NEDD4L: variants seen among roughly 807,000 people sequenced by gnomAD.
The protein encoded by NEDD4L is NEDD4 like E3 ubiquitin protein ligase.
NEDD4L carries 54 observed loss-of-function variants against 148.9 expected under a neutral mutation model. The observed-to-expected ratio is 0.36, with a 90% confidence interval of 0.29 to 0.45. The LOEUF is 0.45. Among genes scored for constraint, NEDD4L ranks in the 20% least tolerant of loss-of-function variants. The pLI, the probability that NEDD4L is intolerant of heterozygous loss-of-function variation, is 1.00. For missense variants in NEDD4L, 856 were observed against 1,233.8 expected (o/e 0.69, Z 4.59); for synonymous variants, 433 against 440.7 (o/e 0.98, Z 0.22).
intron 1 of NEDD4L, among the ~76,000 whole-genome samples, chr18:58,119,363 G>C (rs779976839): frequency 1.3e-5 from 2 of 152,164 alleles, no homozygotes; most frequent in Non-Finnish European, 2.9e-5. Context: ...AGGTACCCAG[G>C]CTATTCTGAG....
intron 2 of NEDD4L, among the ~76,000 whole-genome samples, chr18:58,243,560 T>C (rs2046895049): frequency 6.6e-6 from 1 of 152,034 alleles, no homozygotes. Flanking sequence ...AATCACCCCC[T>C]CCCCCAGGTG....
chr18:58,137,907 C>T (rs2033031640), intron 1 of NEDD4L, among the ~76,000 whole-genome samples: 1 of 152,158 alleles, frequency 6.6e-6, no homozygotes, highest in Non-Finnish European at 1.5e-5. Flanking sequence ...AAAGATTCCC[C>T]AGCTCGTCCC....
At position 58,387,654 on chromosome 18, in the gene NEDD4L, A is replaced by G. The variant is rs2049218065; in HGVS notation, c.2547+156A>G. The G allele has an allele frequency of 4.7e-6, 4 of 854,100 alleles. No homozygotes were observed. In the East Asian group the frequency reaches 9.6e-5, roughly 21 times the overall value. 52.9% of individuals were successfully genotyped at this position (854,100 alleles called of 1,614,324 possible). A position where few individuals can be genotyped will look rare whatever the true frequency, so the allele number is the denominator to read the frequency against. On this transcript the variant is annotated intron_variant, in intron 27 of 30. Coordinates refer to ENST00000400345, the MANE Select transcript of NEDD4L (RefSeq NM_001144967.3). Reference sequence around the variant, plus strand: ...TGTCTCTTATAGGGCTTATTTGCCAATGTGGTTCTATTACATGTCTCTTAT... The same window carrying G: ...TGTCTCTTATAGGGCTTATTTGCCAGTGTGGTTCTATTACATGTCTCTTAT...
rs1288166841 is a variant in NEDD4L at position 58,202,000 on chromosome 18, A to T, written c.122+36139A>T. On this transcript the variant is annotated intron_variant, in intron 2 of 30. Coordinates refer to ENST00000400345, the MANE Select transcript of NEDD4L (RefSeq NM_001144967.3). The stretch of plus-strand genomic sequence containing the variant: ...TTGTTTTGCAAAAATAGCCCTGGGC[A>T]TATGTCATTTGGTATTTTTGTCGAG... Among the ~76,000 whole-genome samples the T allele has an allele frequency of 3.3e-5, 5 of 152,178 alleles. No homozygotes were observed. The South Asian group carries it at 1.0e-3, about 32-fold the overall frequency.
chr18:58,225,711 TATTA>T (rs2044274049), intron 2 of NEDD4L, among the ~76,000 whole-genome samples: 1 of 152,124 alleles, frequency 6.6e-6, no homozygotes, highest in Non-Finnish European at 1.5e-5. Context: ...AAGGGCACAT[TATTA>T]GGTCCGGAGC....
chr18:58,146,951 G>A (rs993201076), intron 1 of NEDD4L, among the ~76,000 whole-genome samples: 1 of 152,156 alleles, frequency 6.6e-6, no homozygotes, highest in African/African-American at 2.4e-5. Context: ...GAGAACTGAC[G>A]AGAAGGACAC....
At chr18:58,204,105 T>C (rs984086996) in intron 2 of NEDD4L, among the ~76,000 whole-genome samples, 1 of 152,214 alleles carries the variant, frequency 6.6e-6, no homozygotes, top group African/African-American at 2.4e-5. Flanking sequence ...GGCGGGCAGA[T>C]CATTTGTGGC....
chr18:58,182,934 T>G (rs2039021102), intron 2 of NEDD4L, among the ~76,000 whole-genome samples: 1 of 152,200 alleles, frequency 6.6e-6, no homozygotes, highest in Non-Finnish European at 1.5e-5. Flanking sequence ...CTCCCTCTCC[T>G]CCCTCACTGC....
chr18:58,065,250 GT>G (rs999147630), intron 1 of NEDD4L, among the ~76,000 whole-genome samples: 1 of 152,112 alleles, frequency 6.6e-6, no homozygotes. Context: ...CTTTAGCAAC[GT>G]TTTTTTCATT....
intron 1 of NEDD4L, among the ~76,000 whole-genome samples, chr18:58,072,215 A>T (rs1343473689): frequency 2.6e-5 from 4 of 152,210 alleles, no homozygotes; most frequent in Non-Finnish European, 4.4e-5. Flanking sequence ...GTATTATTAT[A>T]AACTCTTTCA....
chr18:58,056,804 C>G (rs2082104627), intron 1 of NEDD4L, among the ~76,000 whole-genome samples: 1 of 151,636 alleles, frequency 6.6e-6, no homozygotes, highest in South Asian at 2.1e-4. Flanking sequence ...TGGTCTTGAG[C>G]TCCTGACCTC....
At chr18:58,385,741 G>A (rs779657394) in intron 26 of NEDD4L, among the ~76,000 whole-genome samples, 155 bp downstream of exon 26, 3 of 152,182 alleles carry the variant, frequency 2.0e-5, no homozygotes, top group East Asian at 3.9e-4. Flanking sequence ...AGCTCACACC[G>A]CTGGCCAGTC....
chr18:58,141,936 A>G (rs922062444), intron 1 of NEDD4L, among the ~76,000 whole-genome samples: 11 of 151,232 alleles, frequency 7.3e-5, no homozygotes, highest in Non-Finnish European at 1.5e-4. Flanking sequence ...AAAGCCAAGT[A>G]GGAGCTTAGG....
At chr18:58,061,523 G>A (rs962559902) in intron 1 of NEDD4L, among the ~76,000 whole-genome samples, 2 of 151,930 alleles carry the variant, frequency 1.3e-5, no homozygotes, top group Non-Finnish European at 2.9e-5. Flanking sequence ...CCAGACTAGA[G>A]GAGGCAGGAA....
At chr18:58,128,854 C>T (rs1473034348) in intron 1 of NEDD4L, among the ~76,000 whole-genome samples, 2 of 152,172 alleles carry the variant, frequency 1.3e-5, no homozygotes, top group Non-Finnish European at 1.5e-5. Context: ...CTTTGGATTG[C>T]TGACTGCGAG....
intron 2 of NEDD4L, among the ~76,000 whole-genome samples, chr18:58,173,374 G>A (rs1283554700): frequency 6.6e-6 from 1 of 152,222 alleles, no homozygotes; most frequent in African/African-American, 2.4e-5. Flanking sequence ...TTCATTCACA[G>A]TTGCTCCTTT....
intron 1 of NEDD4L, among the ~76,000 whole-genome samples, chr18:58,064,595 A>C (rs12605327): frequency 0.83 from 126,252 of 152,148 alleles, 52,619 homozygotes; most frequent in East Asian, 1. Flanking sequence ...AGAGCATGAA[A>C]ACGTCTTTGA....
chr18:58,235,744 C>G (rs1239838425), intron 2 of NEDD4L, among the ~76,000 whole-genome samples: 1 of 151,812 alleles, frequency 6.6e-6, no homozygotes, highest in African/African-American at 2.4e-5. Context: ...GAAGTCTGTC[C>G]CCATACTTGT....
At chr18:58,057,749 T>C (rs1178171709) in intron 1 of NEDD4L, among the ~76,000 whole-genome samples, 1 of 152,200 alleles carries the variant, frequency 6.6e-6, no homozygotes. Flanking sequence ...ATGAGGTCTG[T>C]GGTTCTGGGA....
Sources: gnomAD v4.1 joint callset for allele counts (sites outside exome capture counted in the v4.1 genomes callset) on GRCh38, gnomAD v4.1.1 for gene constraint, MANE v1.5 for transcripts, NCBI Gene and HGNC (gene_info 2026-07-23, HGNC 2026-07-21) for gene names.